SPAG17: variants seen among roughly 807,000 people sequenced by gnomAD.
SPAG17 encodes sperm associated antigen 17, also known as sperm-associated antigen 17.
SPAG17 carries 169 observed loss-of-function variants against 273.6 expected under a neutral mutation model. The ratio of observed to expected loss-of-function variants is 0.62; its 90% CI spans 0.55 to 0.70. SPAG17 has a LOEUF of 0.70. Ranked by LOEUF, SPAG17 falls within the 30% of genes least tolerant of loss-of-function variation. The pLI is 0.00. For missense variants in SPAG17, 2,557 were observed against 2,627.8 expected (o/e 0.97, Z 0.59); for synonymous variants, 825 against 873.2 (o/e 0.94, Z 0.97).
At chr1:118,076,386 A>ACGTT (rs1276009296) in intron 15 of SPAG17, 1 of 152,146 alleles carries the variant, frequency 6.6e-6, no homozygotes, top group Admixed American at 6.5e-5. Flanking sequence ...GACAGCATGA[A>ACGTT]CGTTCCATTT....
chr1:118,180,264 T>C (rs1192578841), intron 1 of SPAG17, among the ~76,000 whole-genome samples: 1 of 152,032 alleles, frequency 6.6e-6, no homozygotes, highest in African/African-American at 2.4e-5. Flanking sequence ...TGAAATACTA[T>C]TCAGCCATAC....
intron 1 of SPAG17, among the ~76,000 whole-genome samples, chr1:118,171,384 C>CT (rs375987690): frequency 9.2e-5 from 14 of 152,230 alleles, no homozygotes; most frequent in African/African-American, 3.4e-4. Context: ...ATTTTCTGTA[C>CT]TTTTTTGGAG....
intron 38 of SPAG17, among the ~76,000 whole-genome samples, chr1:117,989,944 TA>T (rs897792844): frequency 6.6e-6 from 1 of 151,920 alleles, no homozygotes; most frequent in Non-Finnish European, 1.5e-5. Context: ...GTACTTATAC[TA>T]AAAAAAATTA....
chr1:118,167,309 A>G (rs556216605), intron 1 of SPAG17, among the ~76,000 whole-genome samples: 2 of 152,186 alleles, frequency 1.3e-5, no homozygotes, highest in Non-Finnish European at 2.9e-5. Flanking sequence ...TAAATTAATC[A>G]ATTTTTAAGT....
intron 20 of SPAG17, among the ~76,000 whole-genome samples, chr1:118,043,258 A>G (rs1649980942): frequency 1.3e-5 from 2 of 152,186 alleles, no homozygotes; most frequent in Admixed American, 1.3e-4. Context: ...AGACATTTCG[A>G]GAGTTGAAGA....
At chr1:117,972,113 G>A in intron 44 of SPAG17, 66 bp from the exon 45 acceptor site, 2 of 1,240,594 alleles carry the variant, frequency 1.6e-6, no homozygotes, top group Non-Finnish European at 1.1e-6. Flanking sequence ...AAAAAAAAAA[G>A]TCCCTGTCAC....
chr1:117,970,228 C>T (rs571183259), intron 45 of SPAG17, 112 bp from the exon 46 acceptor site: 13 of 996,360 alleles, frequency 1.3e-5, no homozygotes, highest in South Asian at 6.8e-5. Context: ...ACACAGGAGC[C>T]GGGGGTCCAT....
intron 24 of SPAG17, among the ~76,000 whole-genome samples, chr1:118,032,836 C>T (rs1370074313): frequency 6.6e-6 from 1 of 152,036 alleles, no homozygotes; most frequent in Non-Finnish European, 1.5e-5. Flanking sequence ...TCAAGTGATC[C>T]GCCCACCTCG....
At chr1:117,996,286 A>G in intron 34 of SPAG17, 84 bp downstream of exon 34, 1 of 1,436,810 alleles carries the variant, frequency 7.0e-7, no homozygotes, top group Non-Finnish European at 9.3e-7. Flanking sequence ...AAAAAGTAAG[A>G]TGACATGAAG....
At chr1:118,117,566 G>A (rs917845207) in intron 3 of SPAG17, among the ~76,000 whole-genome samples, 1 of 152,198 alleles carries the variant, frequency 6.6e-6, no homozygotes, top group African/African-American at 2.4e-5. Context: ...CCCTGACATG[G>A]GGAGACAGGA....
intron 1 of SPAG17, among the ~76,000 whole-genome samples, chr1:118,183,133 T>C (rs572079930): frequency 3.3e-5 from 5 of 152,286 alleles, no homozygotes; most frequent in African/African-American, 1.2e-4. Flanking sequence ...TATGGAAGAC[T>C]GGAGGAATTC....
At chr1:117,966,295 C>T (rs1333490218) in intron 47 of SPAG17, 1 of 203,848 alleles carries the variant, frequency 4.9e-6, no homozygotes. Flanking sequence ...ATTTCCTATC[C>T]TTCCATAAAA....
chr1:118,086,201 G>A, intron 12 of SPAG17, 129 bp from the exon 13 acceptor site: 2 of 897,982 alleles, frequency 2.2e-6, no homozygotes, highest in East Asian at 2.9e-5. Context: ...ATGGTAATTG[G>A]GAAAGACAAA....
Position 118,004,550 on chromosome 1 carries a change from C to T in SPAG17, c.4776+864G>A, listed in dbSNP as rs114780065. ...ACCCCCTCCCCCAGCCAGGCTGCTG[C>T]CTCACAGTTTGATCTCAGGCTGCTG... On this transcript the variant is annotated intron_variant, in intron 32 of 48. Transcript: ENST00000336338. Among the ~76,000 whole-genome samples, 372 of 152,356 alleles carry T rather than the reference C, an allele frequency of 2.4e-3. 3 individuals are homozygous for T. The highest frequency in any genetic ancestry group is 8.6e-3 in the African/African-American group (356 of 41,590).
chr1:117,988,700 C>A (rs574426071), intron 38 of SPAG17, among the ~76,000 whole-genome samples: 1 of 151,926 alleles, frequency 6.6e-6, no homozygotes, highest in Admixed American at 6.6e-5. Flanking sequence ...TCATGTTTCA[C>A]GGTTATATGA....
chr1:118,177,784 T>G (rs1235183414), intron 1 of SPAG17, among the ~76,000 whole-genome samples: 1 of 152,050 alleles, frequency 6.6e-6, no homozygotes, highest in Non-Finnish European at 1.5e-5. Context: ...GAGACTATTA[T>G]GAACAACTGA....
At chr1:118,147,138 C>A (rs2102337142) in intron 3 of SPAG17, among the ~76,000 whole-genome samples, 1 of 152,296 alleles carries the variant, frequency 6.6e-6, no homozygotes, top group East Asian at 1.9e-4. Flanking sequence ...GTCCTTTTTT[C>A]TCTCTAGCTT....
chr1:117,966,526 G>T, intron 47 of SPAG17, 83 bp downstream of exon 47: 1 of 1,207,502 alleles, frequency 8.3e-7, no homozygotes, highest in Non-Finnish European at 1.1e-6. Flanking sequence ...ATAAAGTAGA[G>T]ATGCATTTTG....
chr1:118,085,353 G>C (rs2102163284), intron 13 of SPAG17, among the ~76,000 whole-genome samples: 1 of 152,280 alleles, frequency 6.6e-6, no homozygotes, highest in East Asian at 1.9e-4. Context: ...CGCTGAATTG[G>C]AGCAAAGTTG....
Sources: allele counts gnomAD v4.1 joint callset (sites outside exome capture counted in the v4.1 genomes callset), GRCh38; gene constraint gnomAD v4.1.1; transcripts MANE v1.5; gene names NCBI Gene and HGNC (gene_info 2026-07-23, HGNC 2026-07-21).